Variants in MTMR14 observed in about 807,000 individuals in gnomAD.
MTMR14 encodes phosphatidylinositol-3,5-bisphosphate 3-phosphatase MTMR14.
Under a neutral mutation model 86.3 loss-of-function variants are expected in MTMR14, and 48 were observed. The ratio of observed to expected loss-of-function variants is 0.56; its 90% confidence interval spans 0.44 to 0.71. The LOEUF is 0.71. Ranked by LOEUF, MTMR14 falls within the 30% of genes least tolerant of loss-of-function variation. The pLI is 0.00. For missense variants in MTMR14, 780 were observed against 834.6 expected (o/e 0.93, Z 0.81); for synonymous variants, 366 against 326.1 (o/e 1.12, Z -1.32).
At chr3:9,650,091 G>GA (rs1174756353) in intron 1 of MTMR14, among the ~76,000 whole-genome samples, 1 of 152,064 alleles carries the variant, frequency 6.6e-6, no homozygotes, top group Non-Finnish European at 1.5e-5. Flanking sequence ...TTGTGTCAGG[G>GA]AAAAAGCCCC....
intron 5 of MTMR14, among the ~76,000 whole-genome samples, 169 bp downstream of exon 5, chr3:9,669,661 GTC>G (rs1383077949): frequency 2.0e-5 from 3 of 152,196 alleles, no homozygotes; most frequent in Non-Finnish European, 4.4e-5. Context: ...GGCTGTTGAA[GTC>G]CACTGGGTAG....
rs764681090 is a variant in MTMR14, at chr3:9,701,865, A to G, written c.1845A>G (p.Thr615=). The G allele has an allele frequency of 1.9e-6, 3 of 1,613,972 alleles. No individual in the cohort carries two copies. The highest frequency in any genetic ancestry group is 1.1e-5 in the South Asian group (1 of 91,090). ...RSAFLAAYSS[T]VGLRAVAPSP... ...CCTTCTTGGCTGCGTACAGCAGCAC[A>G]GTGGGGCTTCGGGCAGTAGCCCCCA... Residue 615 remains threonine, a synonymous_variant, in exon 19 of 19, where the codon ACA becomes ACG. Transcript: ENST00000296003. The surrounding 1 kb of genome is among the most constrained non-coding windows in gnomAD (Gnocchi z 4.2).
rs142268479 is a variant in MTMR14 at position 9,658,410 on chromosome 3, G to A, written c.309-3857G>A. Among the ~76,000 whole-genome samples, 1,491 of 152,290 alleles carry A rather than the reference G, an allele frequency of 9.8e-3. 98 individuals are homozygous for A. The highest frequency in any genetic ancestry group is 0.089 in the Admixed American group (1,357 of 15,284). Reference sequence around the variant, plus strand: ...TAAGACATGTTTGTCAACAGTGTTCGTTCAGCTGCTGCTGTGTAGTAGACC... The same window carrying A: ...TAAGACATGTTTGTCAACAGTGTTCATTCAGCTGCTGCTGTGTAGTAGACC... On this transcript the variant is annotated intron_variant, in intron 2 of 18. Coordinates refer to ENST00000296003, the MANE Select transcript of MTMR14 (RefSeq NM_001077525.3).
chr3:9,685,237 A>G lies in MTMR14; in HGVS notation c.1154A>G (p.Lys385Arg), dbSNP rs758712596. 2.5e-6 allele frequency: 4 copies of G among 1,613,928 alleles called. No homozygotes were observed. The African/African-American group carries it at 5.3e-5, about 22-fold the overall frequency. The change falls in exon 13 of 19, where the codon AAA (lysine) becomes AGA (arginine). Residue 385 changes from lysine to arginine, a missense_variant. Coordinates refer to ENST00000296003, the MANE Select transcript of MTMR14 (RefSeq NM_001077525.3). ...FGHMLVDRLS[K>R]GEEIFFFCFN... Reference sequence around the variant, plus strand: ...CACATGTTGGTAGATCGGCTCAGCAAAGGGGAGGAGGTGAGTATACCACCT... The same window carrying G: ...CACATGTTGGTAGATCGGCTCAGCAGAGGGGAGGAGGTGAGTATACCACCT...
rs1045549969 is a variant in MTMR14 at position 9,677,825 on chromosome 3, T to C, written c.823-159T>C. Among the ~76,000 whole-genome samples, 1 of 152,188 alleles carries C rather than the reference T, an allele frequency of 6.6e-6. No individual in the cohort carries two copies. Among genetic ancestry groups the C allele is most frequent in the African/African-American group, 2.4e-5 (1 of 41,442 alleles). On this transcript the variant is annotated intron_variant, in intron 8 of 18. Coordinates refer to ENST00000296003, the MANE Select transcript of MTMR14 (RefSeq NM_001077525.3). This position sits in a 1 kb window ranked among gnomAD's most constrained non-coding sequence, Gnocchi z 4.2. The stretch of plus-strand genomic sequence containing the variant: ...ACTCAGCTATACTGATCTGGTCACA[T>C]TGATTTTTAAGCTGTCACTCCCAGG...
intron 13 of MTMR14, 130 bp downstream of exon 13, chr3:9,685,377 TCTC>T (rs561178789): frequency 1.2e-5 from 14 of 1,140,762 alleles, no homozygotes; most frequent in African/African-American, 7.6e-5. Context: ...CCCCCTGTCA[TCTC>T]CTCCTGAGGC....
At chr3:9,685,828 C>A (rs1490919040) in intron 13 of MTMR14, among the ~76,000 whole-genome samples, 1 of 152,174 alleles carries the variant, frequency 6.6e-6, no homozygotes, top group Non-Finnish European at 1.5e-5. Flanking sequence ...GCAGGCCTTA[C>A]CTGTTAGTGC....
chr3:9,649,877 C>A, intron 1 of MTMR14, 135 bp downstream of exon 1: 1 of 1,530,494 alleles, frequency 6.5e-7, no homozygotes, highest in East Asian at 2.5e-5. Flanking sequence ...GAGAGGAGTT[C>A]TCCAGGGTCT....
intron 9 of MTMR14, among the ~76,000 whole-genome samples, chr3:9,681,695 G>GTTTC (rs879519146): frequency 2.0e-5 from 3 of 152,274 alleles, no homozygotes; most frequent in African/African-American, 7.2e-5. Flanking sequence ...TTGTTTGTTT[G>GTTTC]TTTTTTAGCA....
In MTMR14 at chr3:9,677,858, G is replaced by A; in HGVS notation, c.823-126G>A. ...TAAGCTGTCACTCCCAGGTAGCACAGGTATCTGGCCCAGAGAAGGCAAGCA... is the reference window on the plus strand; with the variant it reads ...TAAGCTGTCACTCCCAGGTAGCACAAGTATCTGGCCCAGAGAAGGCAAGCA... On this transcript the variant is annotated intron_variant, in intron 8 of 18. Transcript: ENST00000296003. The surrounding 1 kb of genome is among the most constrained non-coding windows in gnomAD (Gnocchi z 4.2). The A allele has an allele frequency of 2.6e-6, 2 of 761,322 alleles. No homozygotes were observed. The highest frequency in any genetic ancestry group is 1.7e-5 in the South Asian group (1 of 59,506). 47.2% of individuals were successfully genotyped at this position (761,322 alleles called of 1,614,324 possible).
At chr3:9,698,594 G>A (rs2076355144) in intron 18 of MTMR14, among the ~76,000 whole-genome samples, 1 of 152,206 alleles carries the variant, frequency 6.6e-6, no homozygotes, top group Non-Finnish European at 1.5e-5. Context: ...CACATGCTGG[G>A]GCCTTACCAC....
Position 9,668,798 on chromosome 3 carries a change from A to G in MTMR14, c.493+4A>G, listed in dbSNP as rs2048401143. 6.2e-7 allele frequency: 1 copy of G among 1,613,844 alleles called. No homozygotes were observed. The highest frequency in any genetic ancestry group is 1.7e-5 in the Admixed American group (1 of 59,994). Reference sequence around the variant, plus strand: ...GGCTACAACTATTTTTTCTCAGGTGAATGTTGAACAGCATCCTCTGATGTA... The same window carrying G: ...GGCTACAACTATTTTTTCTCAGGTGGATGTTGAACAGCATCCTCTGATGTA... On this transcript the variant is annotated splice_donor_region_variant and intron_variant, in intron 4 of 18. Coordinates refer to ENST00000296003, the MANE Select transcript of MTMR14 (RefSeq NM_001077525.3).
rs751126677 is a variant in MTMR14, at chr3:9,653,700, A to T, written c.239A>T (p.Asp80Val). The change falls in exon 2 of 19, where the codon GAT becomes GTT. Residue 80 changes from aspartate (D) to valine (V), a missense_variant. By Grantham distance (152) the Asp-to-Val change is radical. Transcript: ENST00000296003. ...CFSVIPNTNGDICGHYPRHIV... is the reference protein window; with the variant it reads ...CFSVIPNTNGVICGHYPRHIV... ...AGCGTGATTCCAAACACGAATGGGGATATCTGTGGCCACTATCCCCGGCAC... is the reference window on the plus strand; with the variant it reads ...AGCGTGATTCCAAACACGAATGGGGTTATCTGTGGCCACTATCCCCGGCAC... The T allele has an allele frequency of 6.2e-7, 1 of 1,614,062 alleles. No homozygotes were observed. Among genetic ancestry groups the T allele is most frequent in the East Asian group, 2.2e-5 (1 of 44,882 alleles).
At chr3:9,660,314 A>G (rs2047855807) in intron 2 of MTMR14, among the ~76,000 whole-genome samples, 1 of 151,982 alleles carries the variant, frequency 6.6e-6, no homozygotes, top group East Asian at 1.9e-4. Context: ...GCTGGAGTGC[A>G]ATGGCGTGAT....
Position 9,677,485 on chromosome 3 carries a change from C to G in MTMR14, c.822+98C>G. The G allele has an allele frequency of 9.2e-7, 1 of 1,090,572 alleles. No homozygotes were observed. The highest frequency in any genetic ancestry group is 1.4e-6 in the Non-Finnish European group (1 of 708,496). The allele number at this position is 1,090,572 out of a possible 1,614,324, so 67.6% of individuals were successfully genotyped here. ...GTCTTTGGGGAAAACAACAAGCAGT[C>G]TTTGGGGAAAATAACTCCCCTTTCC... On this transcript the variant is annotated intron_variant, in intron 8 of 18. Coordinates refer to ENST00000296003, the MANE Select transcript of MTMR14 (RefSeq NM_001077525.3). The surrounding 1 kb of genome is among the most constrained non-coding windows in gnomAD (Gnocchi z 4.2).
Position 9,677,823 on chromosome 3 carries a change from C to T in MTMR14, c.823-161C>T, listed in dbSNP as rs2075632585. ...CTACTCAGCTATACTGATCTGGTCA[C>T]ATTGATTTTTAAGCTGTCACTCCCA... On this transcript the variant is annotated intron_variant, in intron 8 of 18. Transcript: ENST00000296003. This position sits in a 1 kb window ranked among gnomAD's most constrained non-coding sequence, Gnocchi z 4.2. Among the ~76,000 whole-genome samples, 1 of 152,288 alleles carries T rather than the reference C, an allele frequency of 6.6e-6. No homozygotes were observed. Among genetic ancestry groups the T allele is most frequent in the Non-Finnish European group, 1.5e-5 (1 of 68,024 alleles).
intron 3 of MTMR14, 24 bp from the exon 4 acceptor site, chr3:9,668,695 G>T (rs183397040): frequency 1.5e-5 from 24 of 1,613,108 alleles, no homozygotes; most frequent in Admixed American, 8.3e-5. Context: ...CCATCTGACC[G>T]TGAAAATGAT....
At chr3:9,683,009 G>A (rs1449387970) in intron 9 of MTMR14, among the ~76,000 whole-genome samples, 169 bp from the exon 10 acceptor site, 1 of 151,904 alleles carries the variant, frequency 6.6e-6, no homozygotes, top group African/African-American at 2.4e-5. Flanking sequence ...AGGAGCTGCT[G>A]GAGATGGAAT....
At chr3:9,699,155 A>T (rs1410844965) in intron 18 of MTMR14, among the ~76,000 whole-genome samples, 2 of 149,994 alleles carry the variant, frequency 1.3e-5, no homozygotes, top group African/African-American at 5.0e-5. Flanking sequence ...CTGGGCAACA[A>T]GAGCGAAACT....
Sources: gnomAD v4.1 joint callset for allele counts (sites outside exome capture counted in the v4.1 genomes callset) on GRCh38, gnomAD v4.1.1 for gene constraint, Gnocchi (gnomAD v3.1) non-coding constraint, MANE v1.5 for transcripts, NCBI Gene and HGNC (gene_info 2026-07-23, HGNC 2026-07-21) for gene names.